The following SRGAP1 variants were observed in gnomAD, a reference collection of about 807,000 sequenced individuals.
SRGAP1 encodes SLIT-ROBO Rho GTPase-activating protein 1.
SRGAP1 carries 43 observed loss-of-function variants against 121.9 expected under a neutral mutation model. The ratio of observed to expected loss-of-function variants is 0.35; its 90% CI spans 0.28 to 0.46. The LOEUF is 0.46. SRGAP1 is among the 20% of genes least tolerant of loss of function. The pLI, the probability that SRGAP1 is intolerant of heterozygous loss-of-function variation, is 1.00. For missense variants in SRGAP1, 1,102 were observed against 1,350.9 expected, an observed-to-expected ratio of 0.82 and a Z score of 2.89; for synonymous variants, 447 against 485.4, an observed-to-expected ratio of 0.92 and a Z score of 1.04.
At chr12:63,963,100 G>T (rs1187314036) in intron 1 of SRGAP1, among the ~76,000 whole-genome samples, 1 of 152,082 alleles carries the variant, frequency 6.6e-6, no homozygotes, top group Non-Finnish European at 1.5e-5. Flanking sequence ...AAGGGTATAT[G>T]CCGTGGAGAG....
intron 6 of SRGAP1, among the ~76,000 whole-genome samples, chr12:64,050,916 G>A (rs1395900263): frequency 6.6e-6 from 1 of 152,052 alleles, no homozygotes; most frequent in African/African-American, 2.4e-5. Flanking sequence ...TAGAGACGGG[G>A]TTTCACCATG....
chr12:64,063,169 A>G (rs1435660607), intron 7 of SRGAP1, 31 bp downstream of exon 7: 1 of 1,550,798 alleles, frequency 6.4e-7, no homozygotes, highest in South Asian at 1.1e-5. Flanking sequence ...AAAATAATGA[A>G]TTGTCTCTTC....
chr12:63,903,791 C>T (rs888224806), intron 1 of SRGAP1, among the ~76,000 whole-genome samples: 4 of 151,932 alleles, frequency 2.6e-5, no homozygotes, highest in African/African-American at 9.7e-5. Flanking sequence ...CCCGCCTCCA[C>T]ACCTGGCTAA....
chr12:63,861,024 T>C (rs568185037), intron 1 of SRGAP1, among the ~76,000 whole-genome samples: 63 of 152,098 alleles, frequency 4.1e-4, no homozygotes, highest in African/African-American at 1.4e-3. Context: ...CATGGGTCTT[T>C]ATTTGCTGAA....
intron 6 of SRGAP1, among the ~76,000 whole-genome samples, chr12:64,051,716 G>A (rs1319646404): frequency 1.3e-5 from 2 of 152,038 alleles, no homozygotes; most frequent in Non-Finnish European, 2.9e-5. Context: ...ATCTGTTTGA[G>A]ATAACCTTTA....
chr12:63,926,700 AC>A (rs904279297), intron 1 of SRGAP1, among the ~76,000 whole-genome samples: 4 of 152,190 alleles, frequency 2.6e-5, no homozygotes, highest in African/African-American at 9.7e-5. Flanking sequence ...ATGGTGAGAC[AC>A]TGGAAATTCA....
At chr12:63,883,301 A>G (rs1192059214) in intron 1 of SRGAP1, among the ~76,000 whole-genome samples, 1 of 152,174 alleles carries the variant, frequency 6.6e-6, no homozygotes, top group Admixed American at 6.5e-5. Flanking sequence ...GCTGTCCCCA[A>G]AGTGTCTCTT....
chr12:63,927,947 C>T (rs189488249), intron 1 of SRGAP1, among the ~76,000 whole-genome samples: 2 of 152,270 alleles, frequency 1.3e-5, no homozygotes, highest in Admixed American at 6.5e-5. Context: ...CATTGTGAAT[C>T]TTCAAGTGAG....
intron 2 of SRGAP1, among the ~76,000 whole-genome samples, chr12:63,988,691 T>C (rs1161986429): frequency 6.6e-6 from 1 of 152,236 alleles, no homozygotes; most frequent in Non-Finnish European, 1.5e-5. Context: ...TACATGATCA[T>C]AAATAATAGG....
rs1433907356 is a variant in SRGAP1, at chr12:64,146,871, C to T, written c.*4199C>T. ...ACTGGAATTTGAGCTTTCACTTACCCTAGTATACGTTCTTAAAAAAAAAAA... is the reference window on the plus strand; with the variant it reads ...ACTGGAATTTGAGCTTTCACTTACCTTAGTATACGTTCTTAAAAAAAAAAA... On this transcript the variant is annotated 3_prime_UTR_variant, in exon 22 of 22. Coordinates refer to ENST00000355086, the MANE Select transcript of SRGAP1 (RefSeq NM_020762.4). 7.3e-6 allele frequency: 1 copy of T among 137,342 alleles called. No individual in the cohort carries two copies. Among genetic ancestry groups the T allele is most frequent in the Non-Finnish European group, 1.6e-5 (1 of 63,600 alleles). 8.5% of individuals were successfully genotyped at this position (137,342 alleles called of 1,614,324 possible). A position where few individuals can be genotyped will look rare whatever the true frequency, so the allele number is the denominator to read the frequency against.
chr12:64,147,369 C>A lies in SRGAP1; in HGVS notation c.*4697C>A. 1 of 319,110 alleles carries A rather than the reference C, an allele frequency of 3.1e-6. No individual in the cohort carries two copies. 19.8% of individuals were successfully genotyped at this position (319,110 alleles called of 1,614,324 possible). ...CCGCTCTGTGCCCCACCCCCACCTC[C>A]TCCTCCCAATTCCTGCTGCCCACTC... On this transcript the variant is annotated 3_prime_UTR_variant, in exon 22 of 22. Transcript: ENST00000355086.
At chr12:64,109,358 T>A (rs2136612858) in intron 16 of SRGAP1, among the ~76,000 whole-genome samples, 1 of 152,270 alleles carries the variant, frequency 6.6e-6, no homozygotes, top group African/African-American at 2.4e-5. Flanking sequence ...TGAATGTTTT[T>A]GTCAAAATGA....
chr12:64,023,039 T>C (rs756871170), intron 4 of SRGAP1, among the ~76,000 whole-genome samples: 2 of 152,064 alleles, frequency 1.3e-5, no homozygotes, highest in Non-Finnish European at 2.9e-5. Context: ...AATGTTAGCC[T>C]CCTCATCATC....
At chr12:64,138,347 T>C (rs942277220) in intron 21 of SRGAP1, among the ~76,000 whole-genome samples, 11 of 152,090 alleles carry the variant, frequency 7.2e-5, no homozygotes, top group Admixed American at 6.6e-4. Context: ...TGTATGTATA[T>C]ACCACATTTT....
At chr12:64,082,041 T>A (rs775023965) in intron 10 of SRGAP1, 9 of 113,194 alleles carry the variant, frequency 8.0e-5, no homozygotes, top group Non-Finnish European at 1.4e-4. Flanking sequence ...CACAAATGCC[T>A]GATATTTCAA....
At chr12:64,059,197 G>T (rs545582104) in intron 6 of SRGAP1, among the ~76,000 whole-genome samples, 55 of 151,992 alleles carry the variant, frequency 3.6e-4, no homozygotes, top group Non-Finnish European at 7.5e-4. Context: ...GACTGCACTG[G>T]GTATGGAAAC....
intron 8 of SRGAP1, among the ~76,000 whole-genome samples, chr12:64,069,861 T>C (rs2035608694): frequency 6.6e-6 from 1 of 152,184 alleles, no homozygotes; most frequent in African/African-American, 2.4e-5. Context: ...TTTTCAATTA[T>C]TGTTCATGAA....
intron 1 of SRGAP1, among the ~76,000 whole-genome samples, chr12:63,900,255 G>T (rs549171728): frequency 2.3e-5 from 3 of 128,878 alleles, no homozygotes; most frequent in African/African-American, 8.8e-5. Context: ...ACCCAGGCTG[G>T]AGTGCAGTGG....
intron 1 of SRGAP1, among the ~76,000 whole-genome samples, chr12:63,941,177 A>T (rs1042414848): frequency 2.6e-5 from 4 of 151,680 alleles, no homozygotes; most frequent in African/African-American, 9.7e-5. Flanking sequence ...ATATATATTA[A>T]TTAGCTTTCT....
Sources: gnomAD v4.1 joint callset for allele counts (sites outside exome capture counted in the v4.1 genomes callset) on GRCh38, gnomAD v4.1.1 for gene constraint, MANE v1.5 for transcripts, NCBI Gene and HGNC (gene_info 2026-07-23, HGNC 2026-07-21) for gene names.